The following BLMH variants were observed in gnomAD, a reference collection of about 807,000 sequenced individuals.
BLMH encodes the protein BLM hydrolase.
A neutral mutation model predicts 61.6 loss-of-function variants in BLMH; 32 were observed. The ratio of observed to expected loss-of-function variants is 0.52; its 90% confidence interval spans 0.39 to 0.70. The LOEUF is 0.70. Ranked by LOEUF, BLMH falls within the 30% of genes least tolerant of loss-of-function variation. The pLI, the probability that BLMH is intolerant of heterozygous loss-of-function variation, is 0.00. For missense variants in BLMH, 460 were observed against 555.5 expected, an observed-to-expected ratio of 0.83 and a Z score of 1.73; for synonymous variants, 183 against 193.8, an observed-to-expected ratio of 0.94 and a Z score of 0.46.
chr17:30,257,129 AC>A (rs2036550876), intron 11 of BLMH, among the ~76,000 whole-genome samples: 1 of 152,250 alleles, frequency 6.6e-6, no homozygotes, highest in African/African-American at 2.4e-5. Context: ...TTTATGTGCA[AC>A]AAAGCTAATA....
chr17:30,286,731 G>A, intron 5 of BLMH, 83 bp downstream of exon 5: 3 of 943,736 alleles, frequency 3.2e-6, no homozygotes. Flanking sequence ...ACTGTATACA[G>A]AGATACCCAG....
At chr17:30,255,406 C>A (rs946698972) in intron 11 of BLMH, among the ~76,000 whole-genome samples, 2 of 152,102 alleles carry the variant, frequency 1.3e-5, no homozygotes, top group Non-Finnish European at 2.9e-5. Context: ...GAAAAGATCC[C>A]TGTCTTAAGC....
In BLMH at chr17:30,291,511, G is replaced by C. The variant is rs747383610; in HGVS notation, c.14-3C>G. On this transcript the variant is annotated splice_polypyrimidine_tract_variant and splice_region_variant and intron_variant, in intron 1 of 11. Transcript: ENST00000261714. Reference sequence around the variant, plus strand: ...AGCTACCTTCTCCGAATTCAGTCCTGTTGGGAGACCAAACAGGATTTTAAC... The same window carrying C: ...AGCTACCTTCTCCGAATTCAGTCCTCTTGGGAGACCAAACAGGATTTTAAC... 1 of 1,613,452 alleles carries C rather than the reference G, an allele frequency of 6.2e-7. No individual in the cohort carries two copies. Among genetic ancestry groups the C allele is most frequent in the Admixed American group, 1.7e-5 (1 of 60,020 alleles).
chr17:30,264,691 C>A (rs8078900), intron 11 of BLMH, among the ~76,000 whole-genome samples: 43,953 of 152,074 alleles, frequency 0.29, 6,773 homozygotes, highest in Admixed American at 0.33. Flanking sequence ...AACTTTAGTT[C>A]TTTTCCTAGG....
At chr17:30,249,237 G>T in intron 11 of BLMH, 69 bp from the exon 12 acceptor site, 1 of 1,488,692 alleles carries the variant, frequency 6.7e-7, no homozygotes, top group East Asian at 2.3e-5. Flanking sequence ...CCTTTTTGTA[G>T]GATAAACCTT....
rs1907602344 is a variant in BLMH, at chr17:30,248,998, A to G, written c.*19T>C. On this transcript the variant is annotated 3_prime_UTR_variant, in exon 12 of 12. Transcript: ENST00000261714. ...CTACGTCAGGTTCCATGGAAGGAGGAAAGAGCTGGAGGGCAGTATCACTCA... is the reference window on the plus strand; with the variant it reads ...CTACGTCAGGTTCCATGGAAGGAGGGAAGAGCTGGAGGGCAGTATCACTCA... 3 of 1,613,144 alleles carry G rather than the reference A, an allele frequency of 1.9e-6. No homozygotes were observed. Among genetic ancestry groups the G allele is most frequent in the Non-Finnish European group, 2.5e-6 (3 of 1,179,582 alleles).
At chr17:30,289,314 G>A (rs1908818090) in intron 3 of BLMH, 59 bp downstream of exon 3, 1 of 1,079,892 alleles carries the variant, frequency 9.3e-7, no homozygotes, top group Non-Finnish European at 1.3e-6. Flanking sequence ...AAAAGAAGAG[G>A]CAGTCCCTAC....
chr17:30,271,699 G>T (rs3816828), intron 9 of BLMH, among the ~76,000 whole-genome samples: 80,886 of 152,082 alleles, frequency 0.53, 23,477 homozygotes, highest in African/African-American at 0.77. Context: ...TGAAAAAAGC[G>T]TTTGAAGTAA....
At chr17:30,253,819 G>A (rs1009034004) in intron 11 of BLMH, among the ~76,000 whole-genome samples, 1 of 152,140 alleles carries the variant, frequency 6.6e-6, no homozygotes, top group Non-Finnish European at 1.5e-5. Flanking sequence ...GTTTACATGC[G>A]ATGAGAAAGA....
At chr17:30,285,719 T>G (rs1908708973) in intron 5 of BLMH, among the ~76,000 whole-genome samples, 1 of 152,210 alleles carries the variant, frequency 6.6e-6, no homozygotes, top group Non-Finnish European at 1.5e-5. Flanking sequence ...CTGCTCCTTC[T>G]CTGCAAACAT....
In BLMH at chr17:30,266,964, A is replaced by C. The variant is rs751346387; in HGVS notation, c.1147-10T>G. On this transcript the variant is annotated splice_polypyrimidine_tract_variant and intron_variant, in intron 10 of 11. Coordinates refer to ENST00000261714, the MANE Select transcript of BLMH (RefSeq NM_000386.4). ...CACCATCCTGATCATCCTGCAAAAA[A>C]GTGGATGATGGTGAGTAGTCTGAAG... 6.2e-7 allele frequency: 1 copy of C among 1,613,724 alleles called. No homozygotes were observed. Among genetic ancestry groups the C allele is most frequent in the Non-Finnish European group, 8.5e-7 (1 of 1,179,636 alleles).
At chr17:30,266,439 G>C (rs955743565) in intron 11 of BLMH, among the ~76,000 whole-genome samples, 1 of 150,954 alleles carries the variant, frequency 6.6e-6, no homozygotes, top group Non-Finnish European at 1.5e-5. Flanking sequence ...GCAGGAGAAT[G>C]GCGTGAACCC....
intron 10 of BLMH, among the ~76,000 whole-genome samples, chr17:30,268,044 C>T (rs1271302620): frequency 6.6e-6 from 1 of 152,208 alleles, no homozygotes; most frequent in Non-Finnish European, 1.5e-5. Context: ...CTAATCCTTA[C>T]TCTTTGCCCC....
rs748478324 is a variant in BLMH at position 30,291,454 on chromosome 17, T to TG, written c.67dup (p.Gln23ProfsTer71). On this transcript the variant is annotated frameshift_variant, in exon 2 of 12. Coordinates refer to ENST00000261714, the MANE Select transcript of BLMH (RefSeq NM_000386.4). LOFTEE classifies it high-confidence loss of function. ...CCCGACATTCTGGGCAAGTACGAACTGGGGGTCGGAATTCAGTTTCTGTAT... is the reference window on the plus strand; with the variant it reads ...CCCGACATTCTGGGCAAGTACGAACTGGGGGGTCGGAATTCAGTTTCTGTAT... 8 of 1,614,156 alleles carry TG rather than the reference T, an allele frequency of 5.0e-6. No individual in the cohort carries two copies. The highest frequency in any genetic ancestry group is 1.7e-5 in the Admixed American group (1 of 60,030).
At position 30,276,535 on chromosome 17, in the gene BLMH, G is replaced by A. The variant is rs576262723; in HGVS notation, c.646-2338C>T. Among the ~76,000 whole-genome samples, 9 of 152,246 alleles carry A rather than the reference G, an allele frequency of 5.9e-5. No homozygotes were observed. The South Asian group carries it at 1.0e-3, about 18-fold the overall frequency. On this transcript the variant is annotated intron_variant, in intron 6 of 11. Transcript: ENST00000261714. ...CTTTATAGCATCTAGCAGTGCTGGC[G>A]ACATGACACAGATACACCAGTTGAT...
chr17:30,287,657 T>A, intron 4 of BLMH, 149 bp downstream of exon 4: 1 of 846,064 alleles, frequency 1.2e-6, no homozygotes, highest in Non-Finnish European at 1.7e-6. Flanking sequence ...TAGGTGAGAA[T>A]GTGAACTAAA....
intron 11 of BLMH, among the ~76,000 whole-genome samples, chr17:30,264,957 C>T (rs116547729): frequency 1.6e-4 from 24 of 152,288 alleles, no homozygotes; most frequent in African/African-American, 5.5e-4. Flanking sequence ...CTCTACTTGA[C>T]CCTAATGTGT....
chr17:30,265,408 C>T (rs1159403875), intron 11 of BLMH, among the ~76,000 whole-genome samples: 1 of 152,140 alleles, frequency 6.6e-6, no homozygotes, highest in Non-Finnish European at 1.5e-5. Flanking sequence ...ATGCTCATAT[C>T]CAAACCTCCA....
At chr17:30,251,207 C>T in intron 11 of BLMH, among the ~76,000 whole-genome samples, 1 of 152,090 alleles carries the variant, frequency 6.6e-6, no homozygotes, top group East Asian at 1.9e-4. Context: ...GTAACCAAAA[C>T]CCACCTGTTC....
Sources: allele counts gnomAD v4.1 joint callset (sites outside exome capture counted in the v4.1 genomes callset), GRCh38; gene constraint gnomAD v4.1.1; transcripts MANE v1.5; gene names NCBI Gene and HGNC (gene_info 2026-07-23, HGNC 2026-07-21).